The following PALM2AKAP2 variants were observed in gnomAD, a reference collection of about 807,000 sequenced individuals.
PALM2AKAP2 encodes the protein PALM2-AKAP2 fusion protein.
Under a neutral mutation model 71.5 loss-of-function variants are expected in PALM2AKAP2, and 37 were observed. That is an observed-to-expected ratio of 0.52 (90% CI 0.40 to 0.68). PALM2AKAP2 has a LOEUF of 0.68. Ranked by LOEUF, PALM2AKAP2 falls within the 30% of genes least tolerant of loss-of-function variation. PALM2AKAP2 has a pLI of 0.00. For synonymous variants in PALM2AKAP2, 468 were observed against 478.8 expected (o/e 0.98, Z 0.29); for missense variants, 1,224 against 1,191.8 (o/e 1.03, Z -0.40).
intron 1 of PALM2AKAP2, among the ~76,000 whole-genome samples, chr9:110,078,528 A>G (rs1834373698): frequency 1.3e-5 from 2 of 152,056 alleles, no homozygotes; most frequent in African/African-American, 4.8e-5. Flanking sequence ...TTAAAAGCAG[A>G]TCGGGAAAAG....
chr9:110,015,679 TCTC>T (rs1832968970), intron 6 of PALM2AKAP2, among the ~76,000 whole-genome samples: 1 of 152,172 alleles, frequency 6.6e-6, no homozygotes, highest in South Asian at 2.1e-4. Flanking sequence ...CCCAGCCTCT[TCTC>T]CACCCTGGGC....
chr9:109,929,563 A>T (rs1210461397), intron 5 of PALM2AKAP2, among the ~76,000 whole-genome samples: 3 of 152,160 alleles, frequency 2.0e-5, no homozygotes, highest in Admixed American at 2.0e-4. Flanking sequence ...AGGAAAGAGA[A>T]GTCTGTGACC....
intron 1 of PALM2AKAP2, among the ~76,000 whole-genome samples, chr9:109,724,724 G>T (rs944374148): frequency 6.6e-6 from 1 of 152,106 alleles, no homozygotes; most frequent in Non-Finnish European, 1.5e-5. Context: ...ATATGACAAA[G>T]CACACATAGA....
At chr9:109,939,847 A>G (rs1221575374) in intron 6 of PALM2AKAP2, among the ~76,000 whole-genome samples, 1 of 152,256 alleles carries the variant, frequency 6.6e-6, no homozygotes, top group African/African-American at 2.4e-5. Context: ...AAGAAACTTG[A>G]GATCTTTATG....
intron 1 of PALM2AKAP2, among the ~76,000 whole-genome samples, chr9:109,664,307 G>GT (rs1387688266): frequency 1.3e-5 from 2 of 152,174 alleles, no homozygotes; most frequent in Non-Finnish European, 2.9e-5. Context: ...AGTTTTGCCT[G>GT]TTTTTGCGGT....
chr9:109,676,023 A>T (rs1827643677), intron 1 of PALM2AKAP2, among the ~76,000 whole-genome samples: 1 of 152,216 alleles, frequency 6.6e-6, no homozygotes, highest in Admixed American at 6.5e-5. Context: ...TCCCAAATTG[A>T]GACAAATGAC....
At chr9:110,084,767 G>T (rs1328733224) in intron 1 of PALM2AKAP2, among the ~76,000 whole-genome samples, 3 of 151,310 alleles carry the variant, frequency 2.0e-5, no homozygotes, top group Non-Finnish European at 2.9e-5. Flanking sequence ...ACGGAGTCTC[G>T]CTCTGTTGCC....
At chr9:110,156,269 A>C in intron 2 of PALM2AKAP2, 50 bp from the exon 9 acceptor site, 1 of 1,476,312 alleles carries the variant, frequency 6.8e-7, no homozygotes, top group Non-Finnish European at 9.0e-7. Context: ...TTCTAAAAGC[A>C]GTCATGAGCA....
At chr9:109,853,349 A>C (rs903794702) in intron 1 of PALM2AKAP2, among the ~76,000 whole-genome samples, 3 of 152,194 alleles carry the variant, frequency 2.0e-5, no homozygotes, top group African/African-American at 7.2e-5. Context: ...AACCTTTGGC[A>C]TTTCAGTGTA....
At chr9:109,649,414 A>C (rs1827195945) in intron 1 of PALM2AKAP2, among the ~76,000 whole-genome samples, 2 of 152,146 alleles carry the variant, frequency 1.3e-5, no homozygotes, top group Non-Finnish European at 2.9e-5. Flanking sequence ...TTTAAGCAGC[A>C]GTTTCTAAGT....
At chr9:110,019,303 A>C (rs1833033568) in intron 7 of PALM2AKAP2, among the ~76,000 whole-genome samples, 2 of 152,108 alleles carry the variant, frequency 1.3e-5, no homozygotes, top group Admixed American at 6.6e-5. Context: ...CATTATTAAA[A>C]AGGCAAAATA....
At chr9:109,800,204 G>A (rs1253115883) in intron 1 of PALM2AKAP2, among the ~76,000 whole-genome samples, 1 of 152,200 alleles carries the variant, frequency 6.6e-6, no homozygotes, top group African/African-American at 2.4e-5. Context: ...TAAATCAGAG[G>A]AGCATATTTC....
intron 1 of PALM2AKAP2, among the ~76,000 whole-genome samples, chr9:109,741,969 G>A (rs1828720799): frequency 1.3e-5 from 2 of 152,052 alleles, no homozygotes; most frequent in Non-Finnish European, 2.9e-5. Flanking sequence ...CATAATAGTG[G>A]TCTACTTTGC....
chr9:109,856,461 G>A (rs576129774), intron 1 of PALM2AKAP2, among the ~76,000 whole-genome samples: 5 of 152,316 alleles, frequency 3.3e-5, no homozygotes, highest in African/African-American at 1.2e-4. Context: ...GGTCTTTTGT[G>A]TTAAGAATAA....
At chr9:109,844,534 A>G (rs996946381) in intron 1 of PALM2AKAP2, among the ~76,000 whole-genome samples, 1 of 152,230 alleles carries the variant, frequency 6.6e-6, no homozygotes, top group Non-Finnish European at 1.5e-5. Context: ...TGTTAGGATT[A>G]TGGGAAGCTG....
chr9:109,802,306 A>G (rs1332604621), intron 1 of PALM2AKAP2, among the ~76,000 whole-genome samples: 3 of 152,256 alleles, frequency 2.0e-5, no homozygotes, highest in East Asian at 3.9e-4. Flanking sequence ...TAGGTTCCCC[A>G]CTTTGTTAAA....
chr9:109,982,877 G>T (rs1307578642), intron 6 of PALM2AKAP2, among the ~76,000 whole-genome samples: 1 of 152,098 alleles, frequency 6.6e-6, no homozygotes, highest in Non-Finnish European at 1.5e-5. Context: ...TCTTGCTTTG[G>T]CCTCCCAAAG....
At chr9:109,815,437 T>C (rs1827829203) in intron 1 of PALM2AKAP2, among the ~76,000 whole-genome samples, 1 of 152,150 alleles carries the variant, frequency 6.6e-6, no homozygotes, top group African/African-American at 2.4e-5. Flanking sequence ...TGGATGTGAA[T>C]GAGGCTATCC....
chr9:110,107,790 C>A (rs929683717), intron 1 of PALM2AKAP2, among the ~76,000 whole-genome samples: 1 of 152,134 alleles, frequency 6.6e-6, no homozygotes, highest in African/African-American at 2.4e-5. Context: ...TGGTCTTGAA[C>A]TCCTGGCCTC....
Sources: gnomAD v4.1 joint callset for allele counts (sites outside exome capture counted in the v4.1 genomes callset) on GRCh38, gnomAD v4.1.1 for gene constraint, MANE v1.5 for transcripts, NCBI Gene and HGNC (gene_info 2026-07-23, HGNC 2026-07-21) for gene names.